TSHZ2: variants seen among roughly 807,000 people sequenced by gnomAD.
The protein encoded by TSHZ2 is teashirt homolog 2.
In TSHZ2, 21 loss-of-function variants were observed where a neutral mutation model predicts 74.4. The observed-to-expected ratio is 0.28, with a 90% CI of 0.20 to 0.41. The LOEUF is 0.41. Among genes scored for constraint, TSHZ2 ranks in the 10% least tolerant of loss-of-function variants. TSHZ2 has a pLI of 1.00. For synonymous variants in TSHZ2, 540 were observed against 515.3 expected (o/e 1.05, Z -0.65); for missense variants, 1,244 against 1,293.5 (o/e 0.96, Z 0.59).
chr20:53,068,677 T>C (rs574034487), intron 1 of TSHZ2, among the ~76,000 whole-genome samples: 1 of 152,306 alleles, frequency 6.6e-6, no homozygotes, highest in Admixed American at 6.5e-5. Flanking sequence ...AGGTGCTTAA[T>C]AAGTAATTAT....
chr20:53,264,823 G>A (rs1990677575), intron 2 of TSHZ2, among the ~76,000 whole-genome samples: 2 of 152,214 alleles, frequency 1.3e-5, no homozygotes, highest in African/African-American at 4.8e-5. Context: ...ATTCCTGTCG[G>A]GGAGATGGGC....
At chr20:53,061,894 A>C (rs1380729909) in intron 1 of TSHZ2, among the ~76,000 whole-genome samples, 1 of 152,222 alleles carries the variant, frequency 6.6e-6, no homozygotes, top group Non-Finnish European at 1.5e-5. Flanking sequence ...AACAATCTTC[A>C]AGTTTAATTC....
At position 52,972,946 on chromosome 20, in the gene TSHZ2, CAAAA is replaced by C; in HGVS notation, c.-337_-334del. On this transcript the variant is annotated 5_prime_UTR_variant, in exon 1 of 3. It introduces an in-frame stop codon into an upstream open reading frame of the 5' UTR. Transcript: ENST00000371497. ...AGAAATCAAGTGTCTCAACAGTCAC[CAAAA>C]AAAAAAAAAACCGCAAAAACAAAAC... The C allele has an allele frequency of 4.0e-5, 7 of 174,122 alleles. No individual in the cohort carries two copies. Among genetic ancestry groups the C allele is most frequent in the South Asian group, 2.7e-4 (1 of 3,664 alleles). The allele number at this position is 174,122 out of a possible 1,614,324, so 10.8% of individuals were successfully genotyped here. A position where few individuals can be genotyped will look rare whatever the true frequency, so the allele number is the denominator to read the frequency against.
chr20:53,064,741 C>T lies in TSHZ2; in HGVS notation c.40+91408C>T, dbSNP rs577339991. 4.8e-4 allele frequency among the ~76,000 whole-genome samples: 73 copies of T among 152,092 alleles called. 1 individual carries two copies. The South Asian group carries it at 0.014, about 30-fold the overall frequency. ...GAAGCCTTTTCTCGTCAGTTTTATG[C>T]CCACAAAAGTTTGATAATTGCTGTG... On this transcript the variant is annotated intron_variant, in intron 1 of 2. Transcript: ENST00000371497.
At chr20:52,996,549 GAGAA>G (rs1229887014) in intron 1 of TSHZ2, among the ~76,000 whole-genome samples, 4 of 152,236 alleles carry the variant, frequency 2.6e-5, no homozygotes, top group South Asian at 2.1e-4. Flanking sequence ...TTCGGTTGTT[GAGAA>G]AGAGTTTGTC....
chr20:53,130,777 C>T (rs1228718271), intron 1 of TSHZ2, among the ~76,000 whole-genome samples: 6 of 152,304 alleles, frequency 3.9e-5, no homozygotes, highest in Admixed American at 3.9e-4. Context: ...CTGAATTCAT[C>T]GGCGTTGTTA....
intron 1 of TSHZ2, among the ~76,000 whole-genome samples, chr20:53,139,907 T>G (rs1195826412): frequency 6.6e-6 from 1 of 152,242 alleles, no homozygotes; most frequent in Non-Finnish European, 1.5e-5. Flanking sequence ...TTTTAGGACT[T>G]CGCTACAGAA....
intron 2 of TSHZ2, among the ~76,000 whole-genome samples, chr20:53,390,859 G>A (rs1982222732): frequency 6.6e-6 from 1 of 152,188 alleles, no homozygotes; most frequent in South Asian, 2.1e-4. Flanking sequence ...GCATGAGATA[G>A]TATCTCATTG....
intron 1 of TSHZ2, among the ~76,000 whole-genome samples, chr20:53,054,803 A>G (rs1984584714): frequency 2.0e-5 from 3 of 152,142 alleles, no homozygotes; most frequent in Admixed American, 2.0e-4. Flanking sequence ...TTTTGTATTC[A>G]TGGGCTATGG....
intron 2 of TSHZ2, among the ~76,000 whole-genome samples, chr20:53,263,317 A>C (rs1293853248): frequency 1.3e-5 from 2 of 152,206 alleles, no homozygotes; most frequent in Non-Finnish European, 2.9e-5. Flanking sequence ...TAAAACTGGC[A>C]TTCAGCATCA....
intron 1 of TSHZ2, among the ~76,000 whole-genome samples, chr20:53,146,704 T>G (rs761466734): frequency 2.7e-4 from 41 of 152,320 alleles, no homozygotes; most frequent in Admixed American, 6.5e-4. Flanking sequence ...CATAAAATTT[T>G]ATTAGGCTCC....
At chr20:53,312,382 T>TCA (rs1039558874) in intron 2 of TSHZ2, among the ~76,000 whole-genome samples, 2 of 152,110 alleles carry the variant, frequency 1.3e-5, no homozygotes, top group African/African-American at 2.4e-5. Context: ...TGACGATATG[T>TCA]CACACACACA....
rs866551560 is a variant in TSHZ2, at chr20:53,022,603, C to T, written c.40+49270C>T. Among the ~76,000 whole-genome samples, 5 of 152,286 alleles carry T rather than the reference C, an allele frequency of 3.3e-5. No individual in the cohort carries two copies. The South Asian group carries it at 1.0e-3, about 32-fold the overall frequency. On this transcript the variant is annotated intron_variant, in intron 1 of 2. Transcript: ENST00000371497. ...CTGCACCGTTTGCTCAAGTCTGAATCCTTCCTAAGAATGCTTATAATGTAA... is the reference window on the plus strand; with the variant it reads ...CTGCACCGTTTGCTCAAGTCTGAATTCTTCCTAAGAATGCTTATAATGTAA...
chr20:53,056,414 T>C (rs1331552710), intron 1 of TSHZ2, among the ~76,000 whole-genome samples: 1 of 152,250 alleles, frequency 6.6e-6, no homozygotes, highest in Admixed American at 6.5e-5. Flanking sequence ...TCGCAGTCTA[T>C]TGATTCTGTG....
chr20:53,029,255 A>G (rs75375473), intron 1 of TSHZ2, among the ~76,000 whole-genome samples: 8,655 of 152,322 alleles, frequency 0.057, 271 homozygotes, highest in African/African-American at 0.079. Context: ...TTATATCCCA[A>G]AACAAGGTAT....
chr20:53,313,286 T>C (rs1365689862), intron 2 of TSHZ2, among the ~76,000 whole-genome samples: 2 of 152,248 alleles, frequency 1.3e-5, no homozygotes, highest in Non-Finnish European at 2.9e-5. Context: ...AAATCATACA[T>C]TTATTTTAGC....
At chr20:53,167,387 G>A (rs952245234) in intron 1 of TSHZ2, among the ~76,000 whole-genome samples, 1 of 152,154 alleles carries the variant, frequency 6.6e-6, no homozygotes, top group Non-Finnish European at 1.5e-5. Context: ...TGAGAAAACT[G>A]GTGCTTAGGC....
rs117216061 is a variant in TSHZ2, at chr20:53,278,649, A to G, written c.*8+22078A>G. Among the ~76,000 whole-genome samples the G allele has an allele frequency of 2.0e-3, 300 of 152,362 alleles. 1 individual carries two copies. The highest frequency in any genetic ancestry group is 4.3e-3 in the South Asian group (21 of 4,830). ...TTATTCTGCCTCAGGTACTTTAATTATAGTCCTTCTGATCCTTATATTAAT... is the reference window on the plus strand; with the variant it reads ...TTATTCTGCCTCAGGTACTTTAATTGTAGTCCTTCTGATCCTTATATTAAT... On this transcript the variant is annotated intron_variant, in intron 2 of 2. Coordinates refer to ENST00000371497, the MANE Select transcript of TSHZ2 (RefSeq NM_173485.6).
intron 1 of TSHZ2, among the ~76,000 whole-genome samples, chr20:53,195,850 G>C (rs1191725176): frequency 1.3e-5 from 2 of 152,086 alleles, no homozygotes; most frequent in Non-Finnish European, 2.9e-5. Flanking sequence ...CCTCCCTCCT[G>C]CTCAGAAATC....
Sources: allele counts gnomAD v4.1 joint callset (sites outside exome capture counted in the v4.1 genomes callset), GRCh38; gene constraint gnomAD v4.1.1; transcripts MANE v1.5; gene names NCBI Gene and HGNC (gene_info 2026-07-23, HGNC 2026-07-21).